Variants in DNM3 observed in about 807,000 individuals in gnomAD.
The protein encoded by DNM3 is dynamin-3.
In DNM3, 47 loss-of-function variants were observed where a neutral mutation model predicts 101.6. The ratio of observed to expected loss-of-function variants is 0.46; its 90% CI spans 0.37 to 0.59. DNM3 has a LOEUF of 0.59. DNM3 is among the 20% of genes least tolerant of loss of function. DNM3 has a pLI of 0.00. For missense variants in DNM3, 849 were observed against 1,085.7 expected (o/e 0.78, Z 3.06); for synonymous variants, 385 against 387.9 (o/e 0.99, Z 0.09).
At chr1:172,018,044 AT>A (rs2047565639) in intron 4 of DNM3, among the ~76,000 whole-genome samples, 1 of 152,110 alleles carries the variant, frequency 6.6e-6, no homozygotes, top group Non-Finnish European at 1.5e-5. Flanking sequence ...TAGTGTTAGC[AT>A]AGTATATCTT....
intron 14 of DNM3, among the ~76,000 whole-genome samples, chr1:172,173,008 G>A (rs558871318): frequency 2.6e-5 from 4 of 151,982 alleles, no homozygotes; most frequent in South Asian, 2.1e-4. Context: ...ACCATTACAG[G>A]TGGTGAATAG....
chr1:172,161,420 A>G (rs2058540744), intron 14 of DNM3, among the ~76,000 whole-genome samples: 1 of 152,018 alleles, frequency 6.6e-6, no homozygotes, highest in African/African-American at 2.4e-5. Context: ...TCACAGTATT[A>G]GAGTGAAATA....
chr1:172,371,427 C>T (rs1374502683), intron 17 of DNM3, among the ~76,000 whole-genome samples: 2 of 151,814 alleles, frequency 1.3e-5, no homozygotes, highest in Non-Finnish European at 1.5e-5. Flanking sequence ...AATTCAAGCT[C>T]GTATATATAA....
intron 4 of DNM3, among the ~76,000 whole-genome samples, chr1:171,990,493 G>T (rs1231200623): frequency 1.3e-5 from 2 of 152,120 alleles, no homozygotes; most frequent in Non-Finnish European, 2.9e-5. Context: ...GGTGGGTCAG[G>T]GGATGGAGTG....
intron 13 of DNM3, among the ~76,000 whole-genome samples, chr1:172,125,219 TA>T (rs745724518): frequency 1.3e-5 from 2 of 151,084 alleles, no homozygotes; most frequent in Admixed American, 1.3e-4. Context: ...CTGCAGCAGT[TA>T]AAAAAAAAGA....
intron 4 of DNM3, among the ~76,000 whole-genome samples, chr1:171,994,717 CTT>C (rs200447773): frequency 6.9e-5 from 10 of 145,710 alleles, no homozygotes; most frequent in African/African-American, 1.0e-4. Context: ...TTCTTTCTTT[CTT>C]TTTTTTTTTG....
chr1:172,414,349 A>G (rs72723301), downstream of DNM3, among the ~76,000 whole-genome samples: 506 of 152,364 alleles, frequency 3.3e-3, 2 homozygotes, highest in Non-Finnish European at 5.5e-3. Context: ...TGAAATCTTA[A>G]TAAGTTTTAC....
At position 172,032,413 on chromosome 1, in the gene DNM3, A is replaced by G. The variant is rs1221043154; in HGVS notation, c.601A>G (p.Ile201Val). Residue 201 changes from isoleucine (I) to valine (V), a missense_variant, in exon 5 of 21, where the codon ATT becomes GTT. Ile to Val is a conservative substitution (Grantham distance 29, BLOSUM62 3). Around this residue, in one of 5 missense-constraint regions of DNM3, gnomAD observed 388 missense variants for 483.0 expected, o/e 0.80. Coordinates refer to ENST00000627582, the MANE Select transcript of DNM3 (RefSeq NM_015569.5). ...KEVDPQGLRTIGVITKLDLMD... is the reference protein window; with the variant it reads ...KEVDPQGLRTVGVITKLDLMD... ...TGTTTATGATGCAGGTCTGAGAACC[A>G]TTGGAGTTATCACCAAACTGGACCT... 1 of 1,612,258 alleles carries G rather than the reference A, an allele frequency of 6.2e-7. No homozygotes were observed. Among genetic ancestry groups the G allele is most frequent in the South Asian group, 1.1e-5 (1 of 91,008 alleles).
At chr1:172,086,040 C>T (rs1183702687) in intron 12 of DNM3, among the ~76,000 whole-genome samples, 1 of 152,114 alleles carries the variant, frequency 6.6e-6, no homozygotes, top group Non-Finnish European at 1.5e-5. Flanking sequence ...GAAAGGATAC[C>T]ATTCACATAT....
chr1:171,913,475 T>G lies in DNM3; in HGVS notation c.162-8273T>G, dbSNP rs578199978. ...AAAAAGTAAACTTCAGTAGAAAATTTCCAATTAAATCTGTAGATTTTGGTA... is the reference window on the plus strand; with the variant it reads ...AAAAAGTAAACTTCAGTAGAAAATTGCCAATTAAATCTGTAGATTTTGGTA... On this transcript the variant is annotated intron_variant, in intron 1 of 20. Coordinates refer to ENST00000627582, the MANE Select transcript of DNM3 (RefSeq NM_015569.5). Among the ~76,000 whole-genome samples, 25 of 152,320 alleles carry G rather than the reference T, an allele frequency of 1.6e-4. No homozygotes were observed. The South Asian group carries it at 5.2e-3, about 32-fold the overall frequency.
At chr1:172,333,664 T>C (rs190665716) in intron 17 of DNM3, among the ~76,000 whole-genome samples, 45 of 152,292 alleles carry the variant, frequency 3.0e-4, no homozygotes, top group African/African-American at 1.0e-3. Context: ...TATTGGAATA[T>C]GCAGAATCTA....
intron 13 of DNM3, among the ~76,000 whole-genome samples, chr1:172,126,397 T>C (rs2056618567): frequency 6.6e-6 from 1 of 152,234 alleles, no homozygotes. Context: ...GCAAGTGATA[T>C]AATGTCATAG....
At chr1:171,903,348 T>G (rs940109415) in intron 1 of DNM3, among the ~76,000 whole-genome samples, 1 of 152,214 alleles carries the variant, frequency 6.6e-6, no homozygotes, top group Non-Finnish European at 1.5e-5. Context: ...AGATCTTTCC[T>G]TTGTACTTGG....
At position 172,305,047 on chromosome 1, in the gene DNM3, G is replaced by A. The variant is rs1188243297; in HGVS notation, c.1770-3681G>A. 2.0e-5 allele frequency among the ~76,000 whole-genome samples: 3 copies of A among 152,290 alleles called. No homozygotes were observed. In the East Asian group the frequency reaches 5.8e-4, roughly 29 times the overall value. On this transcript the variant is annotated intron_variant, in intron 15 of 20. Transcript: ENST00000627582. ...TAACTAAGATCAGAGCAGAACTGAAGGCGATAGAGACACAAATACCCTTCA... is the reference window on the plus strand; with the variant it reads ...TAACTAAGATCAGAGCAGAACTGAAAGCGATAGAGACACAAATACCCTTCA...
At chr1:172,069,143 A>G (rs566433279) in intron 11 of DNM3, among the ~76,000 whole-genome samples, 1 of 152,364 alleles carries the variant, frequency 6.6e-6, no homozygotes, top group East Asian at 1.9e-4. Context: ...ATGAGATGCA[A>G]AAGCAGTAAC....
intron 17 of DNM3, among the ~76,000 whole-genome samples, chr1:172,372,835 C>A (rs7517737): frequency 0.47 from 71,302 of 151,268 alleles, 20,022 homozygotes; most frequent in East Asian, 0.87. Flanking sequence ...GGGCATGCAC[C>A]AGTATGCCTG....
At chr1:172,337,721 A>G (rs1208030179) in intron 17 of DNM3, among the ~76,000 whole-genome samples, 3 of 152,130 alleles carry the variant, frequency 2.0e-5, no homozygotes, top group East Asian at 3.8e-4. Flanking sequence ...AAGTTTTCTC[A>G]AAGTGGGCCA....
intron 11 of DNM3, among the ~76,000 whole-genome samples, chr1:172,076,172 T>C (rs2125968841): frequency 6.6e-6 from 1 of 152,352 alleles, no homozygotes; most frequent in South Asian, 2.1e-4. Flanking sequence ...TTTTGTATCC[T>C]GAGACTTTGC....
chr1:172,333,029 T>A (rs370745028), intron 17 of DNM3, among the ~76,000 whole-genome samples: 2 of 152,194 alleles, frequency 1.3e-5, no homozygotes, highest in African/African-American at 4.8e-5. Flanking sequence ...AAAATATCTA[T>A]CCTTTAAAAA....
Sources: gnomAD v4.1 joint callset for allele counts (sites outside exome capture counted in the v4.1 genomes callset) on GRCh38, gnomAD v4.1.1 for gene constraint, gnomAD v4.1.1 regional missense constraint, MANE v1.5 for transcripts, NCBI Gene and HGNC (gene_info 2026-07-23, HGNC 2026-07-21) for gene names.